Variants in ART4 observed in about 807,000 individuals in gnomAD.
ART4 encodes ADP-ribosyltransferase 4 (inactive) (Dombrock blood group).
In ART4, 14 loss-of-function variants were observed where a neutral mutation model predicts 24.2. That is an observed-to-expected ratio of 0.58 (90% CI 0.38 to 0.90). The LOEUF (loss-of-function observed/expected upper bound fraction) is 0.90. Among genes scored for constraint, ART4 ranks in the 40% least tolerant of loss-of-function variants. The probability of loss-of-function intolerance (pLI) is 0.00; values close to 1 mark genes in which losing one functional copy is unlikely to be tolerated. For missense variants in ART4, 356 were observed against 366.6 expected, an observed-to-expected ratio of 0.97 and a Z score of 0.24; for synonymous variants, 145 against 139.9, an observed-to-expected ratio of 1.04 and a Z score of -0.26.
chr12:14,840,544 G>A lies in ART4; in HGVS notation c.754C>T (p.Leu252=), dbSNP rs992057577. 1 of 1,614,016 alleles carries A rather than the reference G, an allele frequency of 6.2e-7. No individual in the cohort carries two copies. The highest frequency in any genetic ancestry group is 8.5e-7 in the Non-Finnish European group (1 of 1,180,030). The change falls in exon 2 of 3, where the codon CTG becomes TTG. Residue 252 remains leucine (L), a synonymous_variant. Transcript: ENST00000228936. ...TAGCTCATATTTATAACTTTAAACA[G>A]CTCATAGGGAGGGATCAAGACTTCC... The part of the protein sequence containing the change: ...KKEVLIPPYE[L]FKVINMSYHP...
chr12:14,836,753 T>C (rs1473742170), intron 2 of ART4, among the ~76,000 whole-genome samples: 1 of 152,182 alleles, frequency 6.6e-6, no homozygotes, highest in Non-Finnish European at 1.5e-5. Context: ...TGTGAGCTTA[T>C]TCCTCTCCTT....
intron 2 of ART4, among the ~76,000 whole-genome samples, chr12:14,833,772 C>T (rs944356122): frequency 1.3e-5 from 2 of 152,108 alleles, no homozygotes; most frequent in Non-Finnish European, 1.5e-5. Context: ...GTAAAGCTGA[C>T]GTGCAGTATA....
At chr12:14,841,228 T>C in intron 1 of ART4, 75 bp from the exon 2 acceptor site, 4 of 1,375,356 alleles carry the variant, frequency 2.9e-6, no homozygotes, top group South Asian at 1.4e-5. Flanking sequence ...TGCTGTACTC[T>C]ATAAGGGTAA....
chr12:14,841,028 C>T lies in ART4; in HGVS notation c.270G>A (p.Gln90=), dbSNP rs200270921. Residue 90 remains glutamine, a synonymous_variant, in exon 2 of 3, where the codon CAG becomes CAA. Transcript: ENST00000228936. ...GDYFTKDIEA[Q]KNYFRMWQKA... is the part of the protein sequence containing the mutation. ...TTTGCCACATCCTAAAATAATTCTT[C>T]TGGGCTTCTATGTCTTTTGTGAAAT... 1.1e-4 allele frequency: 173 copies of T among 1,614,088 alleles called. No individual in the cohort carries two copies. The highest frequency in any genetic ancestry group is 1.4e-4 in the Non-Finnish European group (162 of 1,180,030).
intron 1 of ART4, 179 bp from the exon 2 acceptor site, chr12:14,841,332 G>T: frequency 1.8e-6 from 1 of 549,922 alleles, no homozygotes; most frequent in Non-Finnish European, 3.1e-6. Flanking sequence ...CTGTGCTAGA[G>T]ATTGAATTTG....
intron 2 of ART4, among the ~76,000 whole-genome samples, chr12:14,829,928 G>A (rs1950382879): frequency 6.6e-6 from 1 of 152,194 alleles, no homozygotes; most frequent in East Asian, 1.9e-4. Context: ...TGATGAGATT[G>A]TGACACAGAG....
At chr12:14,830,119 A>AGTGTGTGTGTGTGTGT (rs113436435) in intron 2 of ART4, among the ~76,000 whole-genome samples, 85 of 145,726 alleles carry the variant, frequency 5.8e-4, no homozygotes, top group Admixed American at 2.2e-3. Flanking sequence ...TCCTGTTTGG[A>AGTGTGTGTGTGTGTGT]GTGTGTGTGT....
chr12:14,842,846 A>T, intron 1 of ART4, 124 bp downstream of exon 1: 1 of 1,222,536 alleles, frequency 8.2e-7, no homozygotes, highest in Non-Finnish European at 1.1e-6. Flanking sequence ...ATGATTTGTT[A>T]AAATGTCTGA....
At chr12:14,836,526 A>T (rs1388626007) in intron 2 of ART4, among the ~76,000 whole-genome samples, 1 of 152,222 alleles carries the variant, frequency 6.6e-6, no homozygotes, top group Non-Finnish European at 1.5e-5. Context: ...GGAATTGTCC[A>T]TTTAATATAT....
chr12:14,841,239 G>A, intron 1 of ART4, 86 bp from the exon 2 acceptor site: 3 of 1,267,132 alleles, frequency 2.4e-6, no homozygotes, highest in South Asian at 3.0e-5. Flanking sequence ...ATAAGGGTAA[G>A]TCTTCTCCTG....
At chr12:14,835,726 C>G (rs1234473038) in intron 2 of ART4, among the ~76,000 whole-genome samples, 2 of 151,990 alleles carry the variant, frequency 1.3e-5, no homozygotes, top group Admixed American at 6.5e-5. Context: ...CTGCCTCAGC[C>G]TCCTGAGTAG....
At position 14,834,693 on chromosome 12, in the gene ART4, G is replaced by A. The variant is rs188137636; in HGVS notation, c.854-5231C>T. Among the ~76,000 whole-genome samples, 234 of 152,318 alleles carry A rather than the reference G, an allele frequency of 1.5e-3. 2 individuals are homozygous for A. The highest frequency in any genetic ancestry group is 5.3e-3 in the African/African-American group (220 of 41,576). On this transcript the variant is annotated intron_variant, in intron 2 of 2. Transcript: ENST00000228936. ...TAGGTTATTTTGCTGAAAGAAGCAA[G>A]ATTTAAGGGCAAATAACTAACATTC...
intron 2 of ART4, among the ~76,000 whole-genome samples, chr12:14,832,877 T>C (rs1950405762): frequency 6.6e-6 from 1 of 152,218 alleles, no homozygotes; most frequent in African/African-American, 2.4e-5. Flanking sequence ...CTACCTCTTT[T>C]ATGGCCATTA....
Position 14,828,114 on chromosome 12 carries a change from T to A in ART4, c.*1257A>T, listed in dbSNP as rs767972802. 6.6e-6 allele frequency: 1 copy of A among 152,224 alleles called. No individual in the cohort carries two copies. Among genetic ancestry groups the A allele is most frequent in the Non-Finnish European group, 1.5e-5 (1 of 68,044 alleles). 9.4% of individuals were successfully genotyped at this position (152,224 alleles called of 1,614,324 possible). ...CCTGAGGGAAGCGTTAGAGGACATT[T>A]CCAGCTATACAATTCAACAATTTAT... On this transcript the variant is annotated 3_prime_UTR_variant, in exon 3 of 3. Transcript: ENST00000228936.
Position 14,840,918 on chromosome 12 carries a change from G to T in ART4, c.380C>A (p.Thr127Lys). The T allele has an allele frequency of 6.2e-7, 1 of 1,614,216 alleles. No homozygotes were observed. Among genetic ancestry groups the T allele is most frequent in the Non-Finnish European group, 8.5e-7 (1 of 1,180,038 alleles). ...TTHAVAILFY[T>K]LNSNVHSDFT... ...GTCAGAATGAACATTGCTGTTCAAT[G>T]TATAAAACAAAATAGCCACAGCGTG... Residue 127 changes from threonine to lysine, a missense_variant, in exon 2 of 3, where the codon ACA (threonine) becomes AAA (lysine). By Grantham distance (78) the Thr-to-Lys change is moderately conservative (BLOSUM62 -1). Coordinates refer to ENST00000228936, the MANE Select transcript of ART4 (RefSeq NM_021071.4).
In ART4 at chr12:14,843,258, A is replaced by G; in HGVS notation, c.-145T>C. 2 of 888,320 alleles carry G rather than the reference A, an allele frequency of 2.3e-6. No homozygotes were observed. The highest frequency in any genetic ancestry group is 3.7e-5 in the South Asian group (2 of 54,690). The allele number at this position is 888,320 out of a possible 1,614,324, so 55.0% of individuals were successfully genotyped here. On this transcript the variant is annotated 5_prime_UTR_variant, in exon 1 of 3. Transcript: ENST00000228936. ...TGCTGAGCAACTTCTGTTGCCCACC[A>G]ACAACCAATAGCTTGTCTGAGGGAA... is the stretch of plus-strand genomic sequence containing the variant.
chr12:14,843,442 A>G lies in ART4; in HGVS notation c.-329T>C, dbSNP rs1863089106. 1 of 203,740 alleles carries G rather than the reference A, an allele frequency of 4.9e-6. No homozygotes were observed. Among genetic ancestry groups the G allele is most frequent in the Non-Finnish European group, 1.0e-5 (1 of 98,274 alleles). 12.6% of individuals were successfully genotyped at this position (203,740 alleles called of 1,614,324 possible). A position where few individuals can be genotyped will look rare whatever the true frequency, so the allele number is the denominator to read the frequency against. On this transcript the variant is annotated 5_prime_UTR_variant, in exon 1 of 3. Coordinates refer to ENST00000228936, the MANE Select transcript of ART4 (RefSeq NM_021071.4). The stretch of plus-strand genomic sequence containing the variant: ...TTCAGGGGAATGCCGAAGTCCTGTT[A>G]AGTGTCAGACTCAGCAGTTCAGCCT...
chr12:14,827,260 A>G lies in ART4; in HGVS notation c.*2111T>C, dbSNP rs1950364889. The G allele has an allele frequency of 6.6e-6, 1 of 152,180 alleles. No individual in the cohort carries two copies. The highest frequency in any genetic ancestry group is 2.4e-5 in the African/African-American group (1 of 41,438). The allele number at this position is 152,180 out of a possible 1,614,324, so 9.4% of individuals were successfully genotyped here. A position where few individuals can be genotyped will look rare whatever the true frequency, so the allele number is the denominator to read the frequency against. On this transcript the variant is annotated 3_prime_UTR_variant, in exon 3 of 3. Transcript: ENST00000228936. ...GTTGGGTGGCTTTTACCAACATAGC[A>G]TGTCATTACTGACTCATCGATGCTC...
intron 2 of ART4, among the ~76,000 whole-genome samples, chr12:14,836,372 ACAG>A: frequency 6.6e-6 from 1 of 152,090 alleles, no homozygotes; most frequent in Non-Finnish European, 1.5e-5. Flanking sequence ...CAGTACCGAG[ACAG>A]CAGATCTGAT....
Sources: allele counts gnomAD v4.1 joint callset (sites outside exome capture counted in the v4.1 genomes callset), GRCh38; gene constraint gnomAD v4.1.1; transcripts MANE v1.5; gene names NCBI Gene and HGNC (gene_info 2026-07-23, HGNC 2026-07-21).